Variants in KCNAB2 observed in about 807,000 individuals in gnomAD.
The protein encoded by KCNAB2 is potassium voltage-gated channel subfamily A regulatory beta subunit 2.
KCNAB2 carries 29 observed loss-of-function variants against 63.6 expected under a neutral mutation model. That is an observed-to-expected ratio of 0.46 (90% confidence interval 0.34 to 0.62). KCNAB2 has a LOEUF of 0.62. Ranked by LOEUF, KCNAB2 falls within the 20% of genes least tolerant of loss-of-function variation. The pLI, the probability that KCNAB2 is intolerant of heterozygous loss-of-function variation, is 0.01. For synonymous variants in KCNAB2, 222 were observed against 224.2 expected, an observed-to-expected ratio of 0.99 and a Z score of 0.09; for missense variants, 359 against 563.9, an observed-to-expected ratio of 0.64 and a Z score of 3.68.
rs1051688878 is a variant in KCNAB2 at position 5,994,619 on chromosome 1, G to A, written c.-53+1831G>A. 1.3e-5 allele frequency among the ~76,000 whole-genome samples: 2 copies of A among 152,074 alleles called. No individual in the cohort carries two copies. The highest frequency in any genetic ancestry group is 2.9e-5 in the Non-Finnish European group (2 of 67,994). On this transcript the variant is annotated intron_variant, in intron 1 of 16. Coordinates refer to the KCNAB2 transcript ENST00000341524. The surrounding 1 kb of genome is among the most constrained non-coding windows in gnomAD (Gnocchi z 5.4). ...CCAGGCACTGGAGTTGGGGGGTGTCGTGAAAAAGTGTGAAACCCTTTTCGT... is the reference window on the plus strand; with the variant it reads ...CCAGGCACTGGAGTTGGGGGGTGTCATGAAAAAGTGTGAAACCCTTTTCGT...
intron 2 of KCNAB2, among the ~76,000 whole-genome samples, chr1:6,061,905 CGGT>C (rs1440890677): frequency 6.6e-6 from 1 of 151,972 alleles, no homozygotes; most frequent in East Asian, 1.9e-4. Context: ...TAAAATAAGT[CGGT>C]GGTAAAAATA....
intron 2 of KCNAB2, among the ~76,000 whole-genome samples, chr1:6,067,906 C>T (rs1311227765): frequency 6.6e-6 from 1 of 152,134 alleles, no homozygotes; most frequent in Non-Finnish European, 1.5e-5. Context: ...TGGTGTGCAC[C>T]TGTAGTCCCA....
At chr1:6,053,805 G>C (rs1661580874) in intron 2 of KCNAB2, among the ~76,000 whole-genome samples, 1 of 152,116 alleles carries the variant, frequency 6.6e-6, no homozygotes, top group Non-Finnish European at 1.5e-5. Flanking sequence ...CGTTAGGCTG[G>C]GTGTGGTGGC....
intron 1 of KCNAB2, among the ~76,000 whole-genome samples, chr1:6,021,732 T>G (rs1658832757): frequency 2.1e-5 from 3 of 142,912 alleles, no homozygotes; most frequent in Non-Finnish European, 4.5e-5. Flanking sequence ...GTGGTATGAG[T>G]GTGTAGTTCG....
intron 7 of KCNAB2, 146 bp from the exon 8 acceptor site, chr1:6,088,862 G>C (rs2273044): frequency 0.12 from 86,520 of 731,294 alleles, 6,636 homozygotes; most frequent in East Asian, 0.36. Flanking sequence ...GTAGCCTCGG[G>C]TCCCTACCCC....
rs1664951616 is a variant in KCNAB2, at chr1:6,089,026, C to T, written c.489C>T (p.Gly163=). 1.3e-6 allele frequency: 2 copies of T among 1,548,728 alleles called. No homozygotes were observed. Among genetic ancestry groups the T allele is most frequent in the South Asian group, 1.2e-5 (1 of 83,842 alleles). ...TTTCCAGGGCGGAGACGGAGCGGGG[C>T]CTGTCCAGGAAGCACATAATCGAAG... ...FWGGKAETER[G]LSRKHIIEGL... Residue 163 remains glycine (G), a synonymous_variant, in exon 8 of 16, where the codon GGC becomes GGT. Coordinates refer to ENST00000378083, the MANE Select transcript of KCNAB2 (RefSeq NM_001199862.2).
At chr1:6,092,608 G>A (rs982195181) in intron 10 of KCNAB2, among the ~76,000 whole-genome samples, 2 of 152,220 alleles carry the variant, frequency 1.3e-5, no homozygotes, top group African/African-American at 4.8e-5. Context: ...CACAAGGCCG[G>A]GCAGGCCAGG....
At chr1:6,049,230 C>T (rs1468782351) in intron 1 of KCNAB2, among the ~76,000 whole-genome samples, 2 of 152,190 alleles carry the variant, frequency 1.3e-5, no homozygotes, top group Non-Finnish European at 2.9e-5. Context: ...GGAGCCTGGG[C>T]CTTGGTTGCT....
chr1:6,071,074 CATGAGTT>C lies in KCNAB2; in HGVS notation c.219-1679_219-1673del, dbSNP rs1311685854. Reference sequence around the variant, plus strand: ...GCTGCTTACAAATATTATATCCACTCATGAGTTAGGAGTCCAGGAGCCTTATAACCAG... The same window carrying C: ...GCTGCTTACAAATATTATATCCACTCAGGAGTCCAGGAGCCTTATAACCAG... On this transcript the variant is annotated intron_variant, in intron 2 of 15. Coordinates refer to ENST00000378083, the MANE Select transcript of KCNAB2 (RefSeq NM_001199862.2). This position sits in a 1 kb window ranked among gnomAD's most constrained non-coding sequence, Gnocchi z 8.5. 3.3e-5 allele frequency among the ~76,000 whole-genome samples: 5 copies of C among 152,298 alleles called. No homozygotes were observed. Among genetic ancestry groups the C allele is most frequent in the Admixed American group, 3.3e-4 (5 of 15,304 alleles).
rs141723415 is a variant in KCNAB2, at chr1:6,065,537, G to A, written c.219-7218G>A. Among the ~76,000 whole-genome samples, 683 of 152,232 alleles carry A rather than the reference G, an allele frequency of 4.5e-3. 8 individuals are homozygous for A. The highest frequency in any genetic ancestry group is 0.014 in the African/African-American group (573 of 41,516). ...GACCCCCTGAGCTGCTGCCCCAGAA[G>A]AGCAGTCACAGCGGCCCTGCGCAGC... On this transcript the variant is annotated intron_variant, in intron 2 of 15. Transcript: ENST00000378083.
intron 1 of KCNAB2, among the ~76,000 whole-genome samples, chr1:6,048,265 G>T (rs1396442559): frequency 6.6e-6 from 1 of 152,182 alleles, no homozygotes; most frequent in Non-Finnish European, 1.5e-5. Flanking sequence ...CCCTGGTGGT[G>T]GATTTTTCTT....
intron 11 of KCNAB2, 112 bp from the exon 12 acceptor site, chr1:6,095,211 C>T: frequency 8.6e-7 from 1 of 1,166,416 alleles, no homozygotes. Context: ...CGGGCTGCAG[C>T]TGCTGGGCCA....
At chr1:6,057,238 G>T (rs926055774) in intron 2 of KCNAB2, among the ~76,000 whole-genome samples, 1 of 151,842 alleles carries the variant, frequency 6.6e-6, no homozygotes, top group African/African-American at 2.4e-5. Flanking sequence ...CTCCTGGCAG[G>T]GCAGGAGTCC....
intron 4 of KCNAB2, among the ~76,000 whole-genome samples, chr1:6,077,349 TCAAAA>T: frequency 6.6e-6 from 1 of 152,092 alleles, no homozygotes; most frequent in Non-Finnish European, 1.5e-5. Flanking sequence ...ATCAGAGCCG[TCAAAA>T]CATAAATAAA....
chr1:6,051,764 G>A lies in KCNAB2; in HGVS notation c.218+10G>A, dbSNP rs535005730. 402 of 1,522,470 alleles carry A rather than the reference G, an allele frequency of 2.6e-4. No homozygotes were observed. The highest frequency in any genetic ancestry group is 2.5e-3 in the Middle Eastern group (11 of 4,344). The allele number at this position is 1,522,470 out of a possible 1,614,324, so 94.3% of individuals were successfully genotyped here. A position where few individuals can be genotyped will look rare whatever the true frequency, so the allele number is the denominator to read the frequency against. ...CAGGCATGAAGTATCGGTAAGGGCCGGGCAGGGGGGCGGTGGGGTGGGAAG... is the reference window on the plus strand; with the variant it reads ...CAGGCATGAAGTATCGGTAAGGGCCAGGCAGGGGGGCGGTGGGGTGGGAAG... On this transcript the variant is annotated intron_variant, in intron 2 of 15. Coordinates refer to ENST00000378083, the MANE Select transcript of KCNAB2 (RefSeq NM_001199862.2).
chr1:6,005,923 C>G lies in KCNAB2; in HGVS notation c.-53+13135C>G, dbSNP rs536719835. 1.2e-4 allele frequency among the ~76,000 whole-genome samples: 12 copies of G among 103,692 alleles called. 1 individual carries two copies. Among genetic ancestry groups the G allele is most frequent in the African/African-American group, 5.3e-4 (12 of 22,818 alleles). The allele number at this position is 103,692 out of a possible 152,430, so 68.0% of individuals were successfully genotyped here. On this transcript the variant is annotated intron_variant, in intron 1 of 16. Coordinates refer to the KCNAB2 transcript ENST00000341524. ...CACCCCTCAGCTCAGCTCCCACATCCCCCCACTCCACCCTCACCCCTCAGC... is the reference window on the plus strand; with the variant it reads ...CACCCCTCAGCTCAGCTCCCACATCGCCCCACTCCACCCTCACCCCTCAGC...
Position 6,073,836 on chromosome 1 carries a change from T to C in KCNAB2, c.300+66T>C, listed in dbSNP as rs1663434263. The C allele has an allele frequency of 6.6e-7, 1 of 1,526,704 alleles. No individual in the cohort carries two copies. The highest frequency in any genetic ancestry group is 9.1e-7 in the Non-Finnish European group (1 of 1,101,466). The allele number at this position is 1,526,704 out of a possible 1,614,324, so 94.6% of individuals were successfully genotyped here. On this transcript the variant is annotated intron_variant, in intron 4 of 15. Coordinates refer to ENST00000378083, the MANE Select transcript of KCNAB2 (RefSeq NM_001199862.2). This position sits in a 1 kb window ranked among gnomAD's most constrained non-coding sequence, Gnocchi z 5.7. ...GCTCGCCAGAGCACATGGTTAAGTCTGCCGCGTGGACCAGTGAGCACGTGC... is the reference window on the plus strand; with the variant it reads ...GCTCGCCAGAGCACATGGTTAAGTCCGCCGCGTGGACCAGTGAGCACGTGC...
At chr1:6,050,806 C>T (rs1420807674) in intron 1 of KCNAB2, among the ~76,000 whole-genome samples, 18 of 152,230 alleles carry the variant, frequency 1.2e-4, no homozygotes, top group Non-Finnish European at 1.9e-4. Context: ...CACTCTCCTC[C>T]GCAACCTGCT....
At chr1:6,006,773 G>A (rs1471038360) in intron 1 of KCNAB2, among the ~76,000 whole-genome samples, 2 of 144,130 alleles carry the variant, frequency 1.4e-5, no homozygotes, top group Non-Finnish European at 3.0e-5. Context: ...TGCTCTGTCA[G>A]AAGCGCTACC....
Sources: gnomAD v4.1 joint callset for allele counts (sites outside exome capture counted in the v4.1 genomes callset) on GRCh38, gnomAD v4.1.1 for gene constraint, Gnocchi (gnomAD v3.1) non-coding constraint, MANE v1.5 for transcripts, NCBI Gene and HGNC (gene_info 2026-07-23, HGNC 2026-07-21) for gene names.